Variants in ADIPOR2 observed in about 807,000 individuals in gnomAD.
ADIPOR2 encodes the protein adiponectin receptor 2.
A neutral mutation model predicts 40.9 loss-of-function variants in ADIPOR2; 18 were observed. The observed-to-expected ratio is 0.44, with a 90% CI of 0.30 to 0.65. ADIPOR2 has a LOEUF of 0.65. ADIPOR2 is among the 30% of genes least tolerant of loss of function. The pLI, the probability that ADIPOR2 is intolerant of heterozygous loss-of-function variation, is 0.09. For missense variants in ADIPOR2, 283 were observed against 479.2 expected (o/e 0.59, Z 3.82); for synonymous variants, 165 against 166.4 (o/e 0.99, Z 0.06).
chr12:1,780,120 T>C (rs1862685056), intron 4 of ADIPOR2: 1 of 188,804 alleles, frequency 5.3e-6, no homozygotes, highest in Non-Finnish European at 1.1e-5. Flanking sequence ...AAAAACTGTA[T>C]AAATGAAACT....
At chr12:1,754,623 G>A (rs758939628) in intron 2 of ADIPOR2, 109 bp downstream of exon 2, 29 of 1,092,148 alleles carry the variant, frequency 2.7e-5, no homozygotes, top group Non-Finnish European at 3.4e-5. Context: ...GGAGGATGGG[G>A]TGGTAAGAAG....
chr12:1,753,163 A>G lies in ADIPOR2; in HGVS notation c.-86-1095A>G, dbSNP rs376323431. ...TATCTGGGTTCTCCTACTTTGCCCT[A>G]CTCCTTTCCCCACTAAGAACCTTGA... On this transcript the variant is annotated intron_variant, in intron 1 of 7. Coordinates refer to ENST00000357103, the MANE Select transcript of ADIPOR2 (RefSeq NM_024551.3). Among the ~76,000 whole-genome samples, 65 of 151,956 alleles carry G rather than the reference A, an allele frequency of 4.3e-4. 1 individual carries two copies. The South Asian group carries it at 0.014, about 32-fold the overall frequency.
At chr12:1,740,985 C>T (rs1565644638) in intron 1 of ADIPOR2, among the ~76,000 whole-genome samples, 1 of 152,078 alleles carries the variant, frequency 6.6e-6, no homozygotes, top group African/African-American at 2.4e-5. Flanking sequence ...GGATAGCTAG[C>T]TAGTTAAGTT....
intron 1 of ADIPOR2, among the ~76,000 whole-genome samples, chr12:1,714,598 C>T (rs552944959): frequency 6.6e-6 from 1 of 152,168 alleles, no homozygotes; most frequent in South Asian, 2.1e-4. Flanking sequence ...CTGCTTAGTC[C>T]TTCTAGGACA....
At chr12:1,749,343 G>A (rs1394204188) in intron 1 of ADIPOR2, among the ~76,000 whole-genome samples, 6 of 152,090 alleles carry the variant, frequency 3.9e-5, no homozygotes, top group Admixed American at 1.3e-4. Context: ...CTTAAGACCC[G>A]CAATCAAAAA....
At chr12:1,780,679 G>C (rs1427319123) in intron 5 of ADIPOR2, 42 bp downstream of exon 5, 38 of 1,491,104 alleles carry the variant, frequency 2.5e-5, no homozygotes, top group Non-Finnish European at 3.3e-5. Flanking sequence ...ATGATTTAGA[G>C]GTAGTGCGTT....
At chr12:1,784,822 T>G (rs1212234537) in intron 7 of ADIPOR2, among the ~76,000 whole-genome samples, 5 of 152,232 alleles carry the variant, frequency 3.3e-5, no homozygotes, top group Non-Finnish European at 5.9e-5. Flanking sequence ...GGAAATACGC[T>G]TAATGTGAAA....
intron 1 of ADIPOR2, among the ~76,000 whole-genome samples, chr12:1,728,734 A>T (rs1292052502): frequency 1.9e-4 from 29 of 152,130 alleles, no homozygotes; most frequent in Admixed American, 1.9e-3. Flanking sequence ...AAAAAAAACA[A>T]AAATAAATAA....
intron 1 of ADIPOR2, among the ~76,000 whole-genome samples, chr12:1,739,826 C>A (rs1026495870): frequency 6.6e-6 from 1 of 152,180 alleles, no homozygotes; most frequent in East Asian, 1.9e-4. Context: ...ATTAGCTGGG[C>A]GCAGTGGCTC....
chr12:1,736,985 A>G (rs1479558776), intron 1 of ADIPOR2, among the ~76,000 whole-genome samples: 1 of 152,210 alleles, frequency 6.6e-6, no homozygotes, highest in Non-Finnish European at 1.5e-5. Flanking sequence ...TCCACCAGGC[A>G]TTATGGCTGA....
At chr12:1,739,800 T>C (rs2094738670) in intron 1 of ADIPOR2, among the ~76,000 whole-genome samples, 1 of 152,218 alleles carries the variant, frequency 6.6e-6, no homozygotes, top group Non-Finnish European at 1.5e-5. Flanking sequence ...TTCCTTATTA[T>C]ATGTTTAAAA....
At chr12:1,744,115 T>G (rs961349349) in intron 1 of ADIPOR2, among the ~76,000 whole-genome samples, 3 of 150,432 alleles carry the variant, frequency 2.0e-5, no homozygotes, top group African/African-American at 7.3e-5. Flanking sequence ...TTTTCTGTAT[T>G]TTTTTTTTTG....
At chr12:1,709,108 A>C (rs1384464145) in intron 1 of ADIPOR2, among the ~76,000 whole-genome samples, 1 of 152,142 alleles carries the variant, frequency 6.6e-6, no homozygotes, top group Non-Finnish European at 1.5e-5. Context: ...CATTTCCATA[A>C]ATTTTGGTAT....
intron 2 of ADIPOR2, among the ~76,000 whole-genome samples, chr12:1,755,514 C>T (rs991817083): frequency 1.3e-5 from 2 of 152,182 alleles, no homozygotes; most frequent in East Asian, 1.9e-4. Context: ...ATTCGAATTG[C>T]GTGTTAGAGC....
At chr12:1,704,655 TA>T in intron 1 of ADIPOR2, among the ~76,000 whole-genome samples, 1 of 152,316 alleles carries the variant, frequency 6.6e-6, no homozygotes, top group East Asian at 1.9e-4. Flanking sequence ...GACTTTAGGG[TA>T]CATGTATCAA....
At chr12:1,722,217 A>G (rs1169886923) in intron 1 of ADIPOR2, among the ~76,000 whole-genome samples, 6 of 152,188 alleles carry the variant, frequency 3.9e-5, no homozygotes, top group East Asian at 3.8e-4. Flanking sequence ...TTGAAGATTG[A>G]ATCAACAGGA....
intron 1 of ADIPOR2, among the ~76,000 whole-genome samples, chr12:1,694,551 GTC>G (rs1240466813): frequency 6.6e-6 from 1 of 152,116 alleles, no homozygotes; most frequent in Non-Finnish European, 1.5e-5. Context: ...AGAAAAAAAA[GTC>G]TGCATGTTTC....
intron 3 of ADIPOR2, among the ~76,000 whole-genome samples, chr12:1,774,384 C>T (rs1862544356): frequency 6.6e-6 from 1 of 152,192 alleles, no homozygotes; most frequent in Admixed American, 6.5e-5. Flanking sequence ...TTGTAAATAT[C>T]CCTTAGCAGT....
chr12:1,757,468 C>T, intron 2 of ADIPOR2: 1 of 727,702 alleles, frequency 1.4e-6, no homozygotes, highest in Non-Finnish European at 2.6e-6. Context: ...AGGTTAGCAC[C>T]TACAGTCACC....
Sources: gnomAD v4.1 joint callset for allele counts (sites outside exome capture counted in the v4.1 genomes callset) on GRCh38, gnomAD v4.1.1 for gene constraint, MANE v1.5 for transcripts, NCBI Gene and HGNC (gene_info 2026-07-23, HGNC 2026-07-21) for gene names.